Variants in CSMD1 observed in about 807,000 individuals in gnomAD.
CSMD1 encodes CUB and sushi domain-containing protein 1.
Under a neutral mutation model 417.5 loss-of-function variants are expected in CSMD1, and 213 were observed. The ratio of observed to expected loss-of-function variants is 0.51; its 90% CI spans 0.46 to 0.57. The LOEUF (loss-of-function observed/expected upper bound fraction) is 0.57, where lower values mean the gene tolerates loss of function less well. CSMD1 is among the 20% of genes least tolerant of loss of function. The pLI is 0.00. For missense variants in CSMD1, 6,923 were observed against 4,529.7 expected (o/e 1.53, Z -15.17); for synonymous variants, 2,862 against 1,736.8 (o/e 1.65, Z -16.11).
At chr8:3,688,131 T>G (rs1800042485) in intron 7 of CSMD1, among the ~76,000 whole-genome samples, 1 of 152,184 alleles carries the variant, frequency 6.6e-6, no homozygotes, top group Admixed American at 6.5e-5. Context: ...TCGAAGTAAT[T>G]GCAATACCTT....
intron 3 of CSMD1, among the ~76,000 whole-genome samples, chr8:4,210,001 C>A (rs1035257496): frequency 1.3e-5 from 2 of 152,092 alleles, no homozygotes; most frequent in African/African-American, 2.4e-5. Context: ...CTGCTTCTGC[C>A]CCAGATCTGT....
chr8:4,658,514 CA>C (rs1251315348), intron 1 of CSMD1, among the ~76,000 whole-genome samples: 1 of 152,138 alleles, frequency 6.6e-6, no homozygotes, highest in Non-Finnish European at 1.5e-5. Flanking sequence ...CACTATTCTA[CA>C]TTCAGCAAAC....
intron 3 of CSMD1, among the ~76,000 whole-genome samples, chr8:4,032,852 C>A (rs533553321): frequency 2.0e-4 from 31 of 152,154 alleles, no homozygotes; most frequent in African/African-American, 7.2e-4. Flanking sequence ...AGGGTGATTC[C>A]AAAGTTAATC....
At chr8:3,576,010 T>A (rs1180960337) in intron 9 of CSMD1, among the ~76,000 whole-genome samples, 1 of 149,324 alleles carries the variant, frequency 6.7e-6, no homozygotes, top group African/African-American at 2.5e-5. Context: ...TCCTAAGACA[T>A]CCTATGACAC....
At position 4,871,067 on chromosome 8, in the gene CSMD1, G is replaced by A. The variant is rs186161657; in HGVS notation, c.85+123265C>T. ...GTCAGCAGTGCTGGGAGGTGAGGCA[G>A]TTGCAACAGCTCTGGCCTGGGCCAT... On this transcript the variant is annotated intron_variant, in intron 1 of 69. Transcript: ENST00000635120. 1.2e-3 allele frequency among the ~76,000 whole-genome samples: 180 copies of A among 152,288 alleles called. 2 individuals carry two copies. Among genetic ancestry groups the A allele is most frequent in the African/African-American group, 4.0e-3 (165 of 41,510 alleles).
chr8:4,872,488 T>G (rs904119938), intron 1 of CSMD1, among the ~76,000 whole-genome samples: 9 of 152,178 alleles, frequency 5.9e-5, no homozygotes, highest in African/African-American at 1.9e-4. Flanking sequence ...CCTGCCGCCT[T>G]CTGAAGAAGG....
chr8:4,962,860 T>G (rs1315616188), intron 1 of CSMD1, among the ~76,000 whole-genome samples: 2 of 152,220 alleles, frequency 1.3e-5, no homozygotes, highest in East Asian at 3.9e-4. Context: ...GTGTCCTAAA[T>G]GCAGAGGCAC....
chr8:4,196,335 C>T (rs999460131), intron 3 of CSMD1, among the ~76,000 whole-genome samples: 6 of 152,138 alleles, frequency 3.9e-5, no homozygotes, highest in South Asian at 2.1e-4. Context: ...ACAAATAGAG[C>T]GGCTTAAGAG....
At chr8:3,493,883 T>C (rs894370770) in intron 10 of CSMD1, among the ~76,000 whole-genome samples, 157 bp from the exon 11 acceptor site, 4 of 152,346 alleles carry the variant, frequency 2.6e-5, no homozygotes, top group African/African-American at 9.6e-5. Flanking sequence ...TGGATAATTA[T>C]ATATATTTGA....
At chr8:3,133,182 C>T (rs1343756816) in intron 41 of CSMD1, among the ~76,000 whole-genome samples, 1 of 151,920 alleles carries the variant, frequency 6.6e-6, no homozygotes, top group Non-Finnish European at 1.5e-5. Flanking sequence ...ACCTGGGGCC[C>T]CTTCTTGGCT....
intron 1 of CSMD1, among the ~76,000 whole-genome samples, chr8:4,962,200 A>ATT (rs1563879425): frequency 8.4e-4 from 119 of 141,776 alleles, no homozygotes; most frequent in African/African-American, 3.4e-3. Context: ...TTTTTTTTAA[A>ATT]AAAAAAAGAA....
intron 1 of CSMD1, among the ~76,000 whole-genome samples, chr8:4,826,499 T>C (rs1189237982): frequency 2.6e-5 from 4 of 152,146 alleles, no homozygotes; most frequent in African/African-American, 4.8e-5. Context: ...TTTTTATTTA[T>C]TTATACAAAT....
intron 11 of CSMD1, among the ~76,000 whole-genome samples, chr8:3,474,925 T>G (rs188715359): frequency 1.3e-4 from 20 of 152,326 alleles, no homozygotes; most frequent in African/African-American, 3.6e-4. Context: ...AATTTTATTT[T>G]GGAGAAATAA....
intron 2 of CSMD1, among the ~76,000 whole-genome samples, chr8:4,595,784 C>A (rs1313311805): frequency 6.6e-6 from 1 of 152,180 alleles, no homozygotes; most frequent in Non-Finnish European, 1.5e-5. Flanking sequence ...TTCTCCATCA[C>A]AGAACATTTC....
chr8:3,029,939 C>T (rs927290128), intron 50 of CSMD1, among the ~76,000 whole-genome samples: 3 of 152,004 alleles, frequency 2.0e-5, no homozygotes, highest in East Asian at 1.9e-4. Flanking sequence ...TTCAGAAACT[C>T]AGATGCCCTC....
chr8:4,764,222 G>C (rs948908381), intron 1 of CSMD1, among the ~76,000 whole-genome samples: 6 of 152,162 alleles, frequency 3.9e-5, no homozygotes, highest in Non-Finnish European at 7.3e-5. Context: ...GATAATAAAA[G>C]TTAGACAGTC....
chr8:3,348,305 AT>A lies in CSMD1; in HGVS notation c.3305-145del, dbSNP rs3839872. 4,159 of 557,118 alleles carry A rather than the reference AT, an allele frequency of 7.5e-3. 142 individuals are homozygous for A. The highest frequency in any genetic ancestry group is 0.073 in the African/African-American group (3,683 of 50,504). The allele number at this position is 557,118 out of a possible 1,614,324, so 34.5% of individuals were successfully genotyped here. On this transcript the variant is annotated intron_variant, in intron 21 of 69. Coordinates refer to ENST00000635120, the MANE Select transcript of CSMD1 (RefSeq NM_033225.6). Reference sequence around the variant, plus strand: ...TATATTATTTCAAAATAGATCAGTGATTTTTTTTTATTGTTTGACCAACTGG... The same window carrying A: ...TATATTATTTCAAAATAGATCAGTGATTTTTTTTATTGTTTGACCAACTGG...
chr8:4,309,890 G>A lies in CSMD1; in HGVS notation c.415+110063C>T, dbSNP rs74965784. ...AGCATCACTTCAGAGGGTCTTACAT[G>A]TGCTTCAACTATGAAATGTGATTTA... On this transcript the variant is annotated intron_variant, in intron 3 of 69. Transcript: ENST00000635120. Among the ~76,000 whole-genome samples, 98 of 152,220 alleles carry A rather than the reference G, an allele frequency of 6.4e-4. 1 individual carries two copies. In the East Asian group the frequency reaches 0.017, roughly 27 times the overall value.
chr8:3,928,334 G>T (rs1004572227), intron 5 of CSMD1, among the ~76,000 whole-genome samples: 61 of 152,024 alleles, frequency 4.0e-4, no homozygotes, highest in African/African-American at 1.5e-3. Context: ...TGCCAGGACT[G>T]AGTGGTAAAC....
Sources: allele counts gnomAD v4.1 joint callset (sites outside exome capture counted in the v4.1 genomes callset), GRCh38; gene constraint gnomAD v4.1.1; transcripts MANE v1.5; gene names NCBI Gene and HGNC (gene_info 2026-07-23, HGNC 2026-07-21).